GPR158: variants seen among roughly 807,000 people sequenced by gnomAD.
GPR158 encodes G protein-coupled receptor 158.
A neutral mutation model predicts 78.2 loss-of-function variants in GPR158; 30 were observed. That is an observed-to-expected ratio of 0.38 (90% confidence interval 0.29 to 0.52). The LOEUF (loss-of-function observed/expected upper bound fraction) is 0.52, where lower values mean the gene tolerates loss of function less well. Ranked by LOEUF, GPR158 falls within the 20% of genes least tolerant of loss-of-function variation. The pLI is 0.83. For synonymous variants in GPR158, 581 were observed against 591.1 expected (o/e 0.98, Z 0.25); for missense variants, 1,463 against 1,523.5 (o/e 0.96, Z 0.66).
Position 25,452,326 on chromosome 10 carries a change from A to G in GPR158, c.1336-14325A>G, listed in dbSNP as rs192217043. Among the ~76,000 whole-genome samples, 166 of 152,280 alleles carry G rather than the reference A, an allele frequency of 1.1e-3. 1 individual carries two copies. The highest frequency in any genetic ancestry group is 8.9e-3 in the South Asian group (43 of 4,816). ...CTCGCAAAATGCTAGGATTATAGGC[A>G]TGAGCCACGATACCTGGCCAAAATT... On this transcript the variant is annotated intron_variant, in intron 4 of 10. Coordinates refer to ENST00000376351, the MANE Select transcript of GPR158 (RefSeq NM_020752.3).
At chr10:25,382,479 C>A (rs1834169040) in intron 2 of GPR158, among the ~76,000 whole-genome samples, 1 of 152,166 alleles carries the variant, frequency 6.6e-6, no homozygotes, top group Non-Finnish European at 1.5e-5. Context: ...CTTCTGCCCC[C>A]AACCCTACCC....
At chr10:25,538,900 A>C (rs1037197987) in intron 5 of GPR158, among the ~76,000 whole-genome samples, 3 of 152,176 alleles carry the variant, frequency 2.0e-5, no homozygotes, top group African/African-American at 4.8e-5. Flanking sequence ...AGAAGTTGTG[A>C]AAGTTTAGAG....
intron 5 of GPR158, among the ~76,000 whole-genome samples, chr10:25,549,043 G>A (rs141900413): frequency 6.6e-6 from 1 of 152,244 alleles, no homozygotes; most frequent in African/African-American, 2.4e-5. Context: ...AGAAAGCGTG[G>A]TGGATAATGA....
Position 25,538,541 on chromosome 10 carries a change from G to A in GPR158, c.1405-12435G>A, listed in dbSNP as rs1347542977. ...ATACTGCCCAGACTGGAGTGCGATG[G>A]TTATTCATAGGTGTGATTATCACAC... is the stretch of plus-strand genomic sequence containing the variant. On this transcript the variant is annotated intron_variant, in intron 5 of 10. Transcript: ENST00000376351. 2.0e-5 allele frequency among the ~76,000 whole-genome samples: 3 copies of A among 152,074 alleles called. No individual in the cohort carries two copies. In the East Asian group the frequency reaches 5.8e-4, roughly 29 times the overall value.
Position 25,181,609 on chromosome 10 carries a change from T to G in GPR158, c.902+5287T>G, listed in dbSNP as rs77805380. ...GGTGTTACCAGAGGCAGGAGTTGCC[T>G]CTTTAATTTTCAGTTTCTTCAACTG... On this transcript the variant is annotated intron_variant, in intron 1 of 10. Coordinates refer to ENST00000376351, the MANE Select transcript of GPR158 (RefSeq NM_020752.3). Among the ~76,000 whole-genome samples, 271 of 152,344 alleles carry G rather than the reference T, an allele frequency of 1.8e-3. 1 individual carries two copies. Among genetic ancestry groups the G allele is most frequent in the African/African-American group, 6.4e-3 (265 of 41,584 alleles).
At chr10:25,492,887 CAA>C (rs1352593036) in intron 5 of GPR158, among the ~76,000 whole-genome samples, 4 of 148,026 alleles carry the variant, frequency 2.7e-5, no homozygotes, top group African/African-American at 9.8e-5. Flanking sequence ...GATATATAAA[CAA>C]ATATTAATAT....
At chr10:25,431,451 C>G (rs552465768) in intron 4 of GPR158, among the ~76,000 whole-genome samples, 16 of 143,912 alleles carry the variant, frequency 1.1e-4, no homozygotes, top group Admixed American at 1.4e-4. Flanking sequence ...GTCAGTGTGG[C>G]GATTCCTCAG....
intron 2 of GPR158, among the ~76,000 whole-genome samples, chr10:25,333,992 G>T (rs1378710940): frequency 1.3e-5 from 2 of 152,004 alleles, no homozygotes; most frequent in Non-Finnish European, 2.9e-5. Context: ...ACCAGATATT[G>T]CTTTATTTTG....
intron 2 of GPR158, among the ~76,000 whole-genome samples, chr10:25,332,605 G>C (rs1240762385): frequency 6.6e-6 from 1 of 152,150 alleles, no homozygotes; most frequent in Non-Finnish European, 1.5e-5. Context: ...ACACAGAGCT[G>C]TAGTTCCCGA....
chr10:25,516,672 G>T (rs1836178648), intron 5 of GPR158, among the ~76,000 whole-genome samples: 1 of 114,382 alleles, frequency 8.7e-6, no homozygotes, highest in Non-Finnish European at 1.8e-5. Context: ...TCAAAGATCA[G>T]ATAGTTGTAG....
intron 2 of GPR158, among the ~76,000 whole-genome samples, chr10:25,251,381 G>A (rs865787301): frequency 0.046 from 6,858 of 150,604 alleles, 546 homozygotes; most frequent in African/African-American, 0.16. Context: ...GATTTTGCTC[G>A]TTAGTTGATG....
intron 4 of GPR158, among the ~76,000 whole-genome samples, chr10:25,456,482 A>G (rs1035470537): frequency 6.6e-6 from 1 of 152,040 alleles, no homozygotes; most frequent in African/African-American, 2.4e-5. Flanking sequence ...CTATTACGAC[A>G]TTTTTCTCCT....
intron 2 of GPR158, among the ~76,000 whole-genome samples, chr10:25,264,935 A>T (rs1854022731): frequency 6.6e-6 from 1 of 152,182 alleles, no homozygotes; most frequent in African/African-American, 2.4e-5. Context: ...CATTTACCCA[A>T]GGTAAGACTG....
rs372270249 is a variant in GPR158 at position 25,597,863 on chromosome 10, C to T, written c.2237C>T (p.Ser746Leu). 9 of 1,553,648 alleles carry T rather than the reference C, an allele frequency of 5.8e-6. No individual in the cohort carries two copies. The highest frequency in any genetic ancestry group is 1.4e-5 in the African/African-American group (1 of 72,076). ...NNPHLQKKRC[S>L]KKGLGRSIMR... ...CCCCACCTCCAGAAAAAGCGGTGCTCGAAGAAGGGCCTAGGTCGTTCCATC... is the reference window on the plus strand; with the variant it reads ...CCCCACCTCCAGAAAAAGCGGTGCTTGAAGAAGGGCCTAGGTCGTTCCATC... Residue 746 changes from serine to leucine, a missense_variant, in exon 11 of 11, where the codon TCG (serine) becomes TTG (leucine). Physicochemically the swap from Ser to Leu is moderately radical, Grantham distance 145 (BLOSUM62 -2). Transcript: ENST00000376351.
At chr10:25,296,296 G>T (rs1854512727) in intron 2 of GPR158, among the ~76,000 whole-genome samples, 2 of 152,116 alleles carry the variant, frequency 1.3e-5, no homozygotes, top group African/African-American at 4.8e-5. Flanking sequence ...TCCTGAGAAA[G>T]GGGTAGCTGT....
intron 4 of GPR158, among the ~76,000 whole-genome samples, chr10:25,424,621 C>T (rs1293983422): frequency 6.6e-6 from 1 of 151,856 alleles, no homozygotes; most frequent in Non-Finnish European, 1.5e-5. Context: ...GTTTTCCCAG[C>T]ACCTTTTATT....
chr10:25,469,842 C>A (rs1020292988), intron 5 of GPR158, among the ~76,000 whole-genome samples: 3 of 135,050 alleles, frequency 2.2e-5, no homozygotes, highest in African/African-American at 8.2e-5. Flanking sequence ...CCCCCCCCAA[C>A]ATTCACTGCT....
intron 2 of GPR158, among the ~76,000 whole-genome samples, chr10:25,365,413 C>A (rs1374283823): frequency 6.6e-6 from 1 of 151,610 alleles, no homozygotes; most frequent in East Asian, 1.9e-4. Context: ...ACTTGATTTG[C>A]TAATTAGTAT....
intron 2 of GPR158, among the ~76,000 whole-genome samples, chr10:25,385,079 G>C (rs1254385829): frequency 6.6e-6 from 1 of 151,978 alleles, no homozygotes; most frequent in Non-Finnish European, 1.5e-5. Context: ...AATTTTTCAT[G>C]TTGCAAAATG....
Sources: gnomAD v4.1 joint callset for allele counts (sites outside exome capture counted in the v4.1 genomes callset) on GRCh38, gnomAD v4.1.1 for gene constraint, MANE v1.5 for transcripts, NCBI Gene and HGNC (gene_info 2026-07-23, HGNC 2026-07-21) for gene names.